PINX1: variants seen among roughly 807,000 people sequenced by gnomAD.
PINX1 encodes PIN2/TERF1-interacting telomerase inhibitor 1.
In PINX1, 34 loss-of-function variants were observed where a neutral mutation model predicts 25.4. That is an observed-to-expected ratio of 1.34 (90% CI 1.02 to 1.78). The LOEUF is 1.78. PINX1 is among the 40% of genes most tolerant of loss of function. PINX1 has a pLI of 0.00. For missense variants in PINX1, 592 were observed against 404.9 expected (o/e 1.46, Z -3.97); for synonymous variants, 197 against 147.7 (o/e 1.33, Z -2.42).
At chr8:10,809,281 T>A (rs73208773) in intron 6 of PINX1, among the ~76,000 whole-genome samples, 25,514 of 152,050 alleles carry the variant, frequency 0.17, 2,553 homozygotes, top group Non-Finnish European at 0.23. Flanking sequence ...CCTCTACCAA[T>A]AAAGAGAAAG....
intron 4 of PINX1, 29 bp downstream of exon 4, chr8:10,831,636 T>C (rs751446368): frequency 2.9e-6 from 4 of 1,400,362 alleles, no homozygotes; most frequent in South Asian, 1.2e-5. Flanking sequence ...ATATTTGCAT[T>C]GAGAACTTAT....
intron 6 of PINX1, among the ~76,000 whole-genome samples, chr8:10,802,913 A>T (rs1251949122): frequency 2.6e-5 from 4 of 152,194 alleles, no homozygotes; most frequent in Non-Finnish European, 2.9e-5. Flanking sequence ...TATTGAAAGG[A>T]TTTAAGGAAG....
rs1244405288 is a variant in PINX1 at position 10,765,069 on chromosome 8, C to T, written c.*332G>A. On this transcript the variant is annotated 3_prime_UTR_variant, in exon 7 of 7. Coordinates refer to ENST00000314787, the MANE Select transcript of PINX1 (RefSeq NM_017884.6). ...GGAGATAGTGACACACACACACACA[C>T]ACAGATGCGCACATGCACACACACG... 1.2e-5 allele frequency: 3 copies of T among 247,432 alleles called. No individual in the cohort carries two copies. Among genetic ancestry groups the T allele is most frequent in the Non-Finnish European group, 2.3e-5 (3 of 130,336 alleles). The allele number at this position is 247,432 out of a possible 1,614,324, so 15.3% of individuals were successfully genotyped here.
At chr8:10,829,804 G>A (rs1470748168) in intron 4 of PINX1, among the ~76,000 whole-genome samples, 1 of 152,022 alleles carries the variant, frequency 6.6e-6, no homozygotes, top group Non-Finnish European at 1.5e-5. Context: ...TCCTGCCTCA[G>A]CCTCCAAGTA....
At chr8:10,789,320 A>G (rs889372724) in intron 6 of PINX1, among the ~76,000 whole-genome samples, 2 of 152,220 alleles carry the variant, frequency 1.3e-5, no homozygotes, top group Non-Finnish European at 2.9e-5. Context: ...GGAAGACTCT[A>G]TGTTTAAGGT....
At chr8:10,805,899 G>A (rs865984006) in intron 6 of PINX1, among the ~76,000 whole-genome samples, 38 of 58,476 alleles carry the variant, frequency 6.5e-4, no homozygotes, top group African/African-American at 1.8e-3. Flanking sequence ...GTGCTGAGGG[G>A]GTGACAGAGC....
intron 6 of PINX1, among the ~76,000 whole-genome samples, chr8:10,797,904 C>G (rs1392963765): frequency 1.3e-5 from 2 of 152,236 alleles, no homozygotes; most frequent in Non-Finnish European, 2.9e-5. Flanking sequence ...TCAGGAGAAT[C>G]TCAGCCATCT....
At chr8:10,786,245 T>A (rs925453624) in intron 6 of PINX1, among the ~76,000 whole-genome samples, 2 of 152,220 alleles carry the variant, frequency 1.3e-5, no homozygotes, top group East Asian at 3.8e-4. Context: ...AACCTGATAA[T>A]TGAACATCAG....
At chr8:10,801,795 G>A (rs888061428) in intron 6 of PINX1, among the ~76,000 whole-genome samples, 3 of 152,152 alleles carry the variant, frequency 2.0e-5, no homozygotes, top group Non-Finnish European at 4.4e-5. Flanking sequence ...AAACCTGTGA[G>A]CAATATCTCA....
At chr8:10,771,129 C>G (rs1161774498) in intron 6 of PINX1, 2 of 152,214 alleles carry the variant, frequency 1.3e-5, no homozygotes, top group African/African-American at 4.8e-5. Flanking sequence ...CATTCTGTAC[C>G]TTTTCCAAAC....
intron 5 of PINX1, among the ~76,000 whole-genome samples, chr8:10,825,151 G>A (rs1161502236): frequency 6.6e-6 from 1 of 152,172 alleles, no homozygotes; most frequent in South Asian, 2.1e-4. Context: ...TCACTTTTGG[G>A]CTCCTGGCCC....
intron 6 of PINX1, among the ~76,000 whole-genome samples, chr8:10,795,644 C>G (rs1019896310): frequency 6.6e-6 from 1 of 152,172 alleles, no homozygotes; most frequent in Non-Finnish European, 1.5e-5. Context: ...CGTGATCCAC[C>G]TGCCTCAGCC....
At chr8:10,835,340 G>A (rs11991183) in intron 1 of PINX1, among the ~76,000 whole-genome samples, 1 of 152,190 alleles carries the variant, frequency 6.6e-6, no homozygotes, top group Non-Finnish European at 1.5e-5. Context: ...GAGGCTTAGA[G>A]AAAGAAATTT....
chr8:10,788,168 A>C (rs899038783), intron 6 of PINX1, among the ~76,000 whole-genome samples: 2 of 152,154 alleles, frequency 1.3e-5, no homozygotes, highest in Admixed American at 6.6e-5. Context: ...CTGGCCACGA[A>C]TTGATCATTG....
At chr8:10,790,780 T>G (rs1801898645) in intron 6 of PINX1, among the ~76,000 whole-genome samples, 1 of 152,050 alleles carries the variant, frequency 6.6e-6, no homozygotes. Flanking sequence ...AAGGGATCTT[T>G]CTAAAATGCA....
At chr8:10,836,186 A>C (rs1170839061) in intron 1 of PINX1, among the ~76,000 whole-genome samples, 1 of 152,098 alleles carries the variant, frequency 6.6e-6, no homozygotes, top group South Asian at 2.1e-4. Flanking sequence ...AACTATGCAC[A>C]CTCCAGCAAA....
At chr8:10,799,648 A>T (rs1196775148) in intron 6 of PINX1, among the ~76,000 whole-genome samples, 1 of 152,198 alleles carries the variant, frequency 6.6e-6, no homozygotes, top group Non-Finnish European at 1.5e-5. Context: ...ACAGCAGTCT[A>T]ATCCCACTTA....
chr8:10,830,521 T>G (rs763236959), intron 4 of PINX1, among the ~76,000 whole-genome samples: 2 of 152,210 alleles, frequency 1.3e-5, no homozygotes. Context: ...AATTCATTAT[T>G]TCACTCCACA....
intron 6 of PINX1, among the ~76,000 whole-genome samples, chr8:10,803,250 G>A (rs771765588): frequency 2.6e-5 from 4 of 152,142 alleles, no homozygotes; most frequent in Non-Finnish European, 5.9e-5. Context: ...CATCCTGAAT[G>A]CTGCAGTAAA....
Sources: gnomAD v4.1 joint callset for allele counts (sites outside exome capture counted in the v4.1 genomes callset) on GRCh38, gnomAD v4.1.1 for gene constraint, MANE v1.5 for transcripts, NCBI Gene and HGNC (gene_info 2026-07-23, HGNC 2026-07-21) for gene names.